The following USP9Y variants were observed in gnomAD, a reference collection of about 807,000 sequenced individuals.
USP9Y encodes the protein ubiquitin carboxyl-terminal hydrolase 9Y.
USP9Y carries 41 observed loss-of-function variants against 53.1 expected under a neutral mutation model. The observed-to-expected ratio is 0.77, with a 90% confidence interval of 0.60 to 1.00. The LOEUF (loss-of-function observed/expected upper bound fraction) is 1.00. Among genes scored for constraint, USP9Y ranks in the 50% least tolerant of loss-of-function variants. The pLI is 0.00. For missense variants in USP9Y, 567 were observed against 535.8 expected (o/e 1.06, Z -0.58); for synonymous variants, 220 against 173.7 (o/e 1.27, Z -2.09).
chrY:12,779,602 C>T lies in USP9Y; in HGVS notation c.3107C>T (p.Pro1036Leu). The T allele has an allele frequency of 2.5e-6, 1 of 397,514 alleles. No individual in the cohort carries two copies. Among genetic ancestry groups the T allele is most frequent in the Non-Finnish European group, 3.5e-6 (1 of 282,456 alleles). The change falls in exon 22 of 46, where the codon CCT (proline) becomes CTT (leucine). Residue 1036 changes from proline (P) to leucine (L), a missense_variant. Coordinates refer to ENST00000338981, the MANE Select transcript of USP9Y (RefSeq NM_004654.4). ...ADLGSNLNMP[P>L]LRDGARVLMK... ...TTAGGTAGCAACCTGAATATGCCAC[C>T]TCTTAGAGATGGAGCAAGAGTACTT...
chrY:12,786,838 C>T lies in USP9Y; in HGVS notation c.3561+38C>T, dbSNP rs374673828. ...AAGAAACTTTTAAAAATATTTAGTCCTTACTATTTAATAAATGTAAACTCT... is the reference window on the plus strand; with the variant it reads ...AAGAAACTTTTAAAAATATTTAGTCTTTACTATTTAATAAATGTAAACTCT... On this transcript the variant is annotated intron_variant, in intron 24 of 45. Transcript: ENST00000338981. 1.1e-3 allele frequency: 353 copies of T among 325,139 alleles called. No homozygotes were observed. The African/African-American group carries it at 0.023, about 21-fold the overall frequency. The allele number at this position is 325,139 out of a possible 400,897, so 81.1% of individuals were successfully genotyped here. A position where few individuals can be genotyped will look rare whatever the true frequency, so the allele number is the denominator to read the frequency against.
chrY:12,841,585 G>A (rs2053561271), intron 37 of USP9Y, among the ~76,000 whole-genome samples: 1 of 31,068 alleles, frequency 3.2e-5, no homozygotes, highest in Non-Finnish European at 7.7e-5. Flanking sequence ...AGCACTTTAG[G>A]ATCCACCTAA....
rs868435897 is a variant in USP9Y at position 12,847,319 on chromosome Y, G to T, written c.7056G>T (p.Gln2352His). Residue 2352 changes from glutamine (Q) to histidine (H), a missense_variant, in exon 42 of 46, where the codon CAG becomes CAT. Physicochemically the swap from Gln to His is conservative, Grantham distance 24 (BLOSUM62 0). Transcript: ENST00000338981. ...FQILLIEDSW[Q>H]THRIHNALKG... ...TTTTACTGATTGAGGACTCCTGGCA[G>T]ACTCACAGGTGAATACCCTTTTGCC... The T allele has an allele frequency of 2.6e-6, 1 of 383,127 alleles. No homozygotes were observed. The highest frequency in any genetic ancestry group is 3.7e-6 in the Non-Finnish European group (1 of 269,632).
chrY:12,791,676 A>G, intron 26 of USP9Y, 52 bp downstream of exon 26: 1 of 326,526 alleles, frequency 3.1e-6, no homozygotes, highest in Non-Finnish European at 4.4e-6. Context: ...TTCATTGTAC[A>G]TGTGATTAAA....
chrY:12,843,026 A>G, intron 38 of USP9Y, 38 bp from the exon 39 acceptor site: 5 of 393,701 alleles, frequency 1.3e-5, no homozygotes, highest in Non-Finnish European at 1.8e-5. Flanking sequence ...CTGTTTCTGC[A>G]TCTTGATGCT....
chrY:12,725,009 AT>A, intron 5 of USP9Y, 103 bp from the exon 6 acceptor site: 1 of 190,228 alleles, frequency 5.3e-6, no homozygotes, highest in South Asian at 3.8e-5. Flanking sequence ...CCACAACACT[AT>A]TTGTGAATTG....
chrY:12,797,696 G>A, intron 27 of USP9Y, among the ~76,000 whole-genome samples: 1 of 33,682 alleles, frequency 3.0e-5, no homozygotes, highest in Non-Finnish European at 7.4e-5. Flanking sequence ...ACAGATGCAG[G>A]TTTTCTCCCA....
At chrY:12,709,750 AC>A (rs2053423007) in intron 3 of USP9Y, among the ~76,000 whole-genome samples, 1 of 33,052 alleles carries the variant, frequency 3.0e-5, no homozygotes, top group Non-Finnish European at 7.4e-5. Flanking sequence ...CAGGAGTTCA[AC>A]AGCAGCTTGG....
chrY:12,846,476 C>G lies in USP9Y; in HGVS notation c.6712C>G (p.Arg2238Gly). The change falls in exon 40 of 46, where the codon CGT becomes GGT. Residue 2238 changes from arginine to glycine, a missense_variant. Transcript: ENST00000338981. ...ATATTCAGTAGTGTCTCAGCTGATT[C>G]GTTGTTGCAATGTGTCATCAACAAT... ...KLYSVVSQLI[R>G]CCNVSSTMQS... 2 of 397,975 alleles carry G rather than the reference C, an allele frequency of 5.0e-6. No homozygotes were observed. Among genetic ancestry groups the G allele is most frequent in the Non-Finnish European group, 7.1e-6 (2 of 283,151 alleles).
At position 12,786,789 on chromosome Y, in the gene USP9Y, C is replaced by T; in HGVS notation, c.3550C>T (p.Pro1184Ser). 1 of 396,034 alleles carries T rather than the reference C, an allele frequency of 2.5e-6. No individual in the cohort carries two copies. ...ACQPVVDGTD[P>S]ITQINQVTHD... ...TCAGCCAGTTGTAGATGGTACAGACCCCATAACACAGGTAATAAATGTTAA... is the reference window on the plus strand; with the variant it reads ...TCAGCCAGTTGTAGATGGTACAGACTCCATAACACAGGTAATAAATGTTAA... The change falls in exon 24 of 46, where the codon CCC becomes TCC. Residue 1184 changes from proline to serine, a missense_variant. Transcript: ENST00000338981.
At chrY:12,741,876 C>T in intron 12 of USP9Y, among the ~76,000 whole-genome samples, 2 of 33,658 alleles carry the variant, frequency 5.9e-5, no homozygotes, top group Non-Finnish European at 1.5e-4. Context: ...TTAATCACTC[C>T]TCTTTGATTC....
rs779205798 is a variant in USP9Y at position 12,841,048 on chromosome Y, A to G, written c.6127A>G (p.Met2043Val). The G allele has an allele frequency of 2.5e-6, 1 of 395,269 alleles. No homozygotes were observed. The highest frequency in any genetic ancestry group is 3.0e-5 in the South Asian group (1 of 33,664). The change falls in exon 37 of 46, where the codon ATG (methionine) becomes GTG (valine). Residue 2043 changes from methionine to valine, a missense_variant. Coordinates refer to ENST00000338981, the MANE Select transcript of USP9Y (RefSeq NM_004654.4). ...GTTGCCTGAAGCAGAAGAAATTACT[A>G]TGATTAGTATTCAGCTTGCTGCTAG... ...YLLPEAEEIT[M>V]ISIQLAARFL...
intron 27 of USP9Y, among the ~76,000 whole-genome samples, chrY:12,799,019 C>G: frequency 3.2e-5 from 1 of 30,954 alleles, no homozygotes; most frequent in African/African-American, 1.3e-4. Context: ...GCGCGTGCCA[C>G]CACACCAAAC....
intron 33 of USP9Y, 68 bp from the exon 34 acceptor site, chrY:12,833,620 T>C: frequency 6.3e-6 from 2 of 319,415 alleles, no homozygotes; most frequent in Non-Finnish European, 9.4e-6. Context: ...TTGTTATTTT[T>C]GTTGTTATAA....
intron 7 of USP9Y, among the ~76,000 whole-genome samples, chrY:12,730,898 A>G (rs2148281157): frequency 1.2e-4 from 4 of 33,103 alleles, no homozygotes; most frequent in Non-Finnish European, 3.0e-4. Flanking sequence ...TTATATTCAG[A>G]GTAATTAGTG....
At chrY:12,791,409 A>G in intron 25 of USP9Y, 90 bp from the exon 26 acceptor site, 1 of 308,908 alleles carries the variant, frequency 3.2e-6, no homozygotes, top group Non-Finnish European at 4.7e-6. Context: ...TTCCATTTCC[A>G]CTTCTTTCAC....
intron 22 of USP9Y, among the ~76,000 whole-genome samples, chrY:12,781,333 G>T: frequency 3.0e-5 from 1 of 33,822 alleles, no homozygotes; most frequent in Non-Finnish European, 7.4e-5. Flanking sequence ...TAACTATCTT[G>T]TGAGCCTTCA....
chrY:12,718,520 C>CT (rs2053432895), intron 3 of USP9Y, among the ~76,000 whole-genome samples: 3 of 34,211 alleles, frequency 8.8e-5, no homozygotes, highest in Admixed American at 5.3e-4. Context: ...AAATGAAAGA[C>CT]TGTAACCAGC....
At chrY:12,756,509 A>G (rs954301099) in intron 12 of USP9Y, among the ~76,000 whole-genome samples, 13 of 32,981 alleles carry the variant, frequency 3.9e-4, no homozygotes, top group Admixed American at 1.4e-3. Flanking sequence ...TGTTCCTTAT[A>G]TTTAGAAGTC....
Sources: allele counts gnomAD v4.1 joint callset (sites outside exome capture counted in the v4.1 genomes callset), GRCh38; gene constraint gnomAD v4.1.1; transcripts MANE v1.5; gene names NCBI Gene and HGNC (gene_info 2026-07-23, HGNC 2026-07-21).